WDR41: variants seen among roughly 807,000 people sequenced by gnomAD.
WDR41 encodes WD repeat domain 41, also known as WD repeat-containing protein 41.
WDR41 carries 63 observed loss-of-function variants against 69.3 expected under a neutral mutation model. The observed-to-expected ratio is 0.91, with a 90% CI of 0.74 to 1.12. The LOEUF is 1.12. Among genes scored for constraint, WDR41 ranks in the 50% most tolerant of loss-of-function variants. The pLI is 0.00. For synonymous variants in WDR41, 185 were observed against 192.1 expected, an observed-to-expected ratio of 0.96 and a Z score of 0.31; for missense variants, 543 against 534.5, an observed-to-expected ratio of 1.02 and a Z score of -0.16.
chr5:77,459,388 G>C (rs138421708), intron 4 of WDR41, among the ~76,000 whole-genome samples: 115 of 152,236 alleles, frequency 7.6e-4, no homozygotes, highest in Middle Eastern at 3.4e-3. Flanking sequence ...ATGGTCTGAA[G>C]TACTGAATCT....
chr5:77,436,225 G>A, intron 12 of WDR41, 36 bp downstream of exon 12: 1 of 1,590,464 alleles, frequency 6.3e-7, no homozygotes, highest in South Asian at 1.1e-5. Flanking sequence ...GCAAAAGCAG[G>A]AGTTGCTTGG....
chr5:77,438,110 C>T, intron 10 of WDR41, 130 bp downstream of exon 10: 1 of 1,358,526 alleles, frequency 7.4e-7, no homozygotes, highest in Non-Finnish European at 1.0e-6. Flanking sequence ...CTCAGGCATT[C>T]TCCATTTCCA....
At chr5:77,536,789 C>T (rs1180471125) in intron 1 of WDR41, among the ~76,000 whole-genome samples, 2 of 152,100 alleles carry the variant, frequency 1.3e-5, no homozygotes, top group East Asian at 3.9e-4. Flanking sequence ...GCTAAACCAT[C>T]GAGGTTTATG....
At chr5:77,491,288 C>T (rs1801773263) in intron 1 of WDR41, 2 of 254,428 alleles carry the variant, frequency 7.9e-6, no homozygotes, top group South Asian at 6.4e-5. Flanking sequence ...TCCCCTTTGA[C>T]TGTAATTTTC....
At chr5:77,555,560 T>C (rs937004863) in intron 1 of WDR41, among the ~76,000 whole-genome samples, 59 of 152,194 alleles carry the variant, frequency 3.9e-4, no homozygotes, top group Admixed American at 4.6e-4. Context: ...TCCTCCTGCC[T>C]CAGCCTCCCA....
chr5:77,606,842 G>A (rs936612378), intron 1 of WDR41, among the ~76,000 whole-genome samples: 4 of 150,056 alleles, frequency 2.7e-5, no homozygotes, highest in Non-Finnish European at 4.4e-5. Context: ...TTTAAAAAAA[G>A]CAATGGGATA....
intron 1 of WDR41, among the ~76,000 whole-genome samples, chr5:77,536,790 G>A (rs1198760315): frequency 1.3e-5 from 2 of 152,082 alleles, no homozygotes; most frequent in African/African-American, 2.4e-5. Context: ...CTAAACCATC[G>A]AGGTTTATGC....
At chr5:77,512,463 C>G (rs1802223183) in intron 1 of WDR41, among the ~76,000 whole-genome samples, 1 of 151,040 alleles carries the variant, frequency 6.6e-6, no homozygotes, top group Non-Finnish European at 1.5e-5. Context: ...TAAAATTCGT[C>G]AGGCGGGGCC....
intron 4 of WDR41, among the ~76,000 whole-genome samples, chr5:77,460,041 A>C (rs1166065427): frequency 6.6e-6 from 1 of 152,146 alleles, no homozygotes. Context: ...AACACAGTAC[A>C]CTGTAGAGTA....
intron 8 of WDR41, among the ~76,000 whole-genome samples, chr5:77,448,478 T>A (rs1205337651): frequency 2.0e-5 from 3 of 152,146 alleles, no homozygotes; most frequent in Admixed American, 6.5e-5. Context: ...TACTGGTGTA[T>A]CTGAACATGT....
At chr5:77,564,784 C>T (rs771146153) in intron 1 of WDR41, among the ~76,000 whole-genome samples, 2 of 152,128 alleles carry the variant, frequency 1.3e-5, no homozygotes, top group Non-Finnish European at 2.9e-5. Context: ...CTTCCACCCA[C>T]CTGCAGAATA....
chr5:77,594,743 G>A (rs4704434), intron 1 of WDR41, among the ~76,000 whole-genome samples: 76,711 of 151,722 alleles, frequency 0.51, 19,934 homozygotes, highest in African/African-American at 0.63. Flanking sequence ...AGCTACAGGG[G>A]AAAAAAAGCT....
intron 10 of WDR41, 51 bp downstream of exon 10, chr5:77,438,189 T>A: frequency 6.2e-7 from 1 of 1,610,796 alleles, no homozygotes; most frequent in Non-Finnish European, 8.5e-7. Context: ...CTGGTAGCCC[T>A]GGGAACTGTG....
chr5:77,577,757 C>T (rs561037531), intron 1 of WDR41, among the ~76,000 whole-genome samples: 49 of 152,172 alleles, frequency 3.2e-4, no homozygotes, highest in Non-Finnish European at 6.3e-4. Flanking sequence ...ATATCAAACA[C>T]TGACCTCAGA....
intron 1 of WDR41, chr5:77,491,911 T>C: frequency 2.0e-6 from 1 of 511,528 alleles, no homozygotes. Flanking sequence ...TGAGCCAGGA[T>C]CTCACGATTC....
chr5:77,602,970 G>A (rs181157032), intron 1 of WDR41, among the ~76,000 whole-genome samples: 4 of 142,320 alleles, frequency 2.8e-5, no homozygotes, highest in African/African-American at 5.3e-5. Context: ...GTGGAGTCTC[G>A]CTCTGTGGCC....
At chr5:77,513,709 AAC>A (rs1802244590) in intron 1 of WDR41, among the ~76,000 whole-genome samples, 2 of 152,218 alleles carry the variant, frequency 1.3e-5, no homozygotes, top group South Asian at 4.1e-4. Flanking sequence ...AATTTCCAAA[AAC>A]AGTTAATCAT....
intron 1 of WDR41, among the ~76,000 whole-genome samples, chr5:77,528,713 C>T (rs979233647): frequency 2.0e-5 from 3 of 151,588 alleles, no homozygotes; most frequent in Non-Finnish European, 4.4e-5. Flanking sequence ...TACAGAAATG[C>T]AAGGCTGTAC....
chr5:77,479,696 G>C lies in WDR41; in HGVS notation c.167+9761C>G, dbSNP rs576477243. On this transcript the variant is annotated intron_variant, in intron 2 of 12. Transcript: ENST00000296679. ...TTCAAGATGGATTAAAGACATAAAC[G>C]TTAGACCTAAAACCATAAAAACCCT... 2.0e-5 allele frequency among the ~76,000 whole-genome samples: 3 copies of C among 152,136 alleles called. No individual in the cohort carries two copies. In the East Asian group the frequency reaches 5.8e-4, roughly 29 times the overall value.
Sources: allele counts gnomAD v4.1 joint callset (sites outside exome capture counted in the v4.1 genomes callset), GRCh38; gene constraint gnomAD v4.1.1; transcripts MANE v1.5; gene names NCBI Gene and HGNC (gene_info 2026-07-23, HGNC 2026-07-21).